Variants in HADHA observed in about 807,000 individuals in gnomAD.
HADHA encodes the protein trifunctional enzyme subunit alpha, mitochondrial.
In HADHA, 59 loss-of-function variants were observed where a neutral mutation model predicts 91.3. That is an observed-to-expected ratio of 0.65 (90% CI 0.52 to 0.80). HADHA has a LOEUF of 0.80. Among genes scored for constraint, HADHA ranks in the 30% least tolerant of loss-of-function variants. The probability of loss-of-function intolerance (pLI) is 0.00; values close to 1 mark genes in which losing one functional copy is unlikely to be tolerated. For synonymous variants in HADHA, 320 were observed against 338.9 expected (o/e 0.94, Z 0.61); for missense variants, 800 against 927.6 (o/e 0.86, Z 1.79).
intron 17 of HADHA, among the ~76,000 whole-genome samples, chr2:26,192,671 G>A (rs1444604106): frequency 2.0e-5 from 3 of 152,006 alleles, no homozygotes; most frequent in Non-Finnish European, 4.4e-5. Flanking sequence ...GCTTGAACCC[G>A]GGAGGTGGAG....
At chr2:26,207,623 T>C (rs1670001851) in intron 11 of HADHA, among the ~76,000 whole-genome samples, 1 of 152,202 alleles carries the variant, frequency 6.6e-6, no homozygotes, top group African/African-American at 2.4e-5. Context: ...ACTTGTGTAA[T>C]TACCCAGCAG....
rs201544302 is a variant in HADHA at position 26,236,380 on chromosome 2, CTGTGTGTG to C, written c.314+467_314+474del. On this transcript the variant is annotated intron_variant, in intron 4 of 19. Coordinates refer to ENST00000380649, the MANE Select transcript of HADHA (RefSeq NM_000182.5). Reference sequence around the variant, plus strand: ...GTGTGTATATATATATATATATACTCTGTGTGTGTGTGTGTGTGTGTGTGTGTGTGTGT... The same window carrying C: ...GTGTGTATATATATATATATATACTCTGTGTGTGTGTGTGTGTGTGTGTGT... Among the ~76,000 whole-genome samples the C allele has an allele frequency of 5.6e-3, 621 of 111,098 alleles. 4 individuals carry two copies. The highest frequency in any genetic ancestry group is 0.013 in the African/African-American group (352 of 28,128). 72.9% of individuals were successfully genotyped at this position (111,098 alleles called of 152,430 possible).
At chr2:26,223,974 T>G (rs1361906483) in intron 7 of HADHA, among the ~76,000 whole-genome samples, 1 of 152,208 alleles carries the variant, frequency 6.6e-6, no homozygotes, top group Non-Finnish European at 1.5e-5. Flanking sequence ...CTCGAACTCC[T>G]GACCTCAGGT....
chr2:26,230,598 AG>A (rs1670599742), intron 6 of HADHA, among the ~76,000 whole-genome samples: 2 of 152,052 alleles, frequency 1.3e-5, no homozygotes, highest in Admixed American at 1.3e-4. Context: ...TGTTATTCTG[AG>A]GGGTTTTTTT....
At chr2:26,211,301 G>C (rs1389991496) in intron 10 of HADHA, among the ~76,000 whole-genome samples, 1 of 151,928 alleles carries the variant, frequency 6.6e-6, no homozygotes, top group East Asian at 1.9e-4. Flanking sequence ...TCTAGTACCA[G>C]AAGTGTTTTT....
chr2:26,209,822 A>C lies in HADHA; in HGVS notation c.1043T>G (p.Leu348Arg). 6.2e-7 allele frequency: 1 copy of C among 1,604,220 alleles called. No homozygotes were observed. The highest frequency in any genetic ancestry group is 8.5e-7 in the Non-Finnish European group (1 of 1,170,988). ...AGCTCCAAATTTATTCTTCTTGCACAGGACCTGACCATGGTAGAGTCCCAT... is the reference window on the plus strand; with the variant it reads ...AGCTCCAAATTTATTCTTCTTGCACCGGACCTGACCATGGTAGAGTCCCAT... Reference protein sequence around the residue: ...ALMGLYHGQVLCKKNKFGAPQ... With the variant: ...ALMGLYHGQVRCKKNKFGAPQ... Residue 348 changes from leucine to arginine, a missense_variant, in exon 11 of 20, where the codon CTG (leucine) becomes CGG (arginine). Transcript: ENST00000380649.
At position 26,193,714 on chromosome 2, in the gene HADHA, C is replaced by T. The variant is rs764942632; in HGVS notation, c.1748G>A (p.Gly583Asp). ...AACTTCATCCACCAGTGTGGCGGCACCCACAGGAAAGCCAAAGCTTGTGGT... is the reference window on the plus strand; with the variant it reads ...AACTTCATCCACCAGTGTGGCGGCATCCACAGGAAAGCCAAAGCTTGTGGT... Reference protein sequence around the residue: ...SLTTSFGFPVGAATLVDEVGV... With the variant: ...SLTTSFGFPVDAATLVDEVGV... The change falls in exon 17 of 20, where the codon GGT becomes GAT. Residue 583 changes from glycine to aspartate, a missense_variant. Coordinates refer to ENST00000380649, the MANE Select transcript of HADHA (RefSeq NM_000182.5). 5 of 1,613,970 alleles carry T rather than the reference C, an allele frequency of 3.1e-6. No homozygotes were observed. The highest frequency in any genetic ancestry group is 4.2e-6 in the Non-Finnish European group (5 of 1,179,864).
chr2:26,241,487 A>C (rs954808093), intron 1 of HADHA, among the ~76,000 whole-genome samples: 4 of 151,782 alleles, frequency 2.6e-5, no homozygotes, highest in African/African-American at 9.7e-5. Flanking sequence ...CAAAAAAAAA[A>C]AAACAAAAAA....
intron 11 of HADHA, 95 bp from the exon 12 acceptor site, chr2:26,204,291 TG>T (rs1380556950): frequency 2.0e-6 from 2 of 1,022,844 alleles, no homozygotes; most frequent in African/African-American, 3.1e-5. Flanking sequence ...AACCAACTAA[TG>T]CAGGCACAAC....
At chr2:26,215,930 G>A (rs138842214) in intron 7 of HADHA, among the ~76,000 whole-genome samples, 9 of 152,326 alleles carry the variant, frequency 5.9e-5, no homozygotes, top group Admixed American at 5.2e-4. Flanking sequence ...GATTTTCCAC[G>A]CAAGGCCTCT....
At chr2:26,203,574 TAA>T (rs1400693215) in intron 12 of HADHA, among the ~76,000 whole-genome samples, 4 of 152,106 alleles carry the variant, frequency 2.6e-5, no homozygotes, top group Non-Finnish European at 5.9e-5. Context: ...AGTCAGGAAA[TAA>T]AAGTCTGAAG....
chr2:26,212,301 G>A (rs1356501505), intron 10 of HADHA: 2 of 446,762 alleles, frequency 4.5e-6, no homozygotes, highest in South Asian at 2.1e-5. Flanking sequence ...TGCACATGCT[G>A]GTCTTGAACT....
At chr2:26,194,989 G>T in intron 15 of HADHA, 103 bp downstream of exon 15, 2 of 1,005,636 alleles carry the variant, frequency 2.0e-6, no homozygotes, top group Non-Finnish European at 3.2e-6. Context: ...TCATATCAAA[G>T]TCTGGTCATT....
chr2:26,207,320 T>G (rs1669995154), intron 11 of HADHA, among the ~76,000 whole-genome samples: 1 of 127,828 alleles, frequency 7.8e-6, no homozygotes, highest in Admixed American at 7.7e-5. Context: ...ATTTAGTAGG[T>G]TTTTTTTTTT....
Position 26,240,418 on chromosome 2 carries a change from A to G in HADHA, c.68-1275T>C, listed in dbSNP as rs531636991. On this transcript the variant is annotated intron_variant, in intron 1 of 19. Transcript: ENST00000380649. ...GTTCCTACTCAGTGAAGATAAATGA[A>G]AAGTGAAAATAGGCCTGGCATAGAA... Among the ~76,000 whole-genome samples the G allele has an allele frequency of 2.0e-4, 30 of 152,300 alleles. 1 individual carries two copies. The South Asian group carries it at 5.8e-3, about 29-fold the overall frequency.
chr2:26,230,061 G>C (rs540030233), intron 7 of HADHA, 131 bp downstream of exon 7: 8 of 675,470 alleles, frequency 1.2e-5, no homozygotes, highest in Admixed American at 1.1e-4. Context: ...GACCTCAAGT[G>C]ATCTTCCCGC....
chr2:26,215,941 GC>G (rs1389168887), intron 7 of HADHA, among the ~76,000 whole-genome samples: 2 of 152,246 alleles, frequency 1.3e-5, no homozygotes, highest in Non-Finnish European at 2.9e-5. Flanking sequence ...CAAGGCCTCT[GC>G]CAGATCTTGA....
At chr2:26,227,112 C>A (rs530199028) in intron 7 of HADHA, among the ~76,000 whole-genome samples, 75 of 152,130 alleles carry the variant, frequency 4.9e-4, no homozygotes, top group African/African-American at 1.7e-3. Flanking sequence ...AACACTCAGT[C>A]CAAGAAAATG....
At position 26,193,749 on chromosome 2, in the gene HADHA, C is replaced by T. The variant is rs1669580810; in HGVS notation, c.1713G>A (p.Leu571=). Residue 571 remains leucine, a synonymous_variant, in exon 17 of 20, where the codon CTG becomes CTA. Transcript: ENST00000380649. The part of the protein sequence containing the change: ...ILQEGVDPKK[L]DSLTTSFGFP... The stretch of plus-strand genomic sequence containing the variant: ...AGCCAAAGCTTGTGGTCAGGGAATC[C>T]AGCTTCTTCGGGTCAACTCCTTCCT... 2.5e-6 allele frequency: 4 copies of T among 1,614,166 alleles called. No individual in the cohort carries two copies. The East Asian group carries it at 6.7e-5, about 27-fold the overall frequency.
Sources: allele counts gnomAD v4.1 joint callset (sites outside exome capture counted in the v4.1 genomes callset), GRCh38; gene constraint gnomAD v4.1.1; transcripts MANE v1.5; gene names NCBI Gene and HGNC (gene_info 2026-07-23, HGNC 2026-07-21).